The following PTER variants were observed in gnomAD, a reference collection of about 807,000 sequenced individuals.
PTER encodes the protein phosphotriesterase related.
In PTER, 38 loss-of-function variants were observed where a neutral mutation model predicts 29.6. That is an observed-to-expected ratio of 1.28 (90% CI 0.99 to 1.68). The LOEUF is 1.68. Ranked by LOEUF, PTER falls within the 40% of genes most tolerant of loss-of-function variation. The pLI is 0.00. For missense variants in PTER, 482 were observed against 427.8 expected, an observed-to-expected ratio of 1.13 and a Z score of -1.12; for synonymous variants, 172 against 154.5, an observed-to-expected ratio of 1.11 and a Z score of -0.84.
At chr10:16,441,953 A>G (rs1208629771) in intron 1 of PTER, among the ~76,000 whole-genome samples, 1 of 151,890 alleles carries the variant, frequency 6.6e-6, no homozygotes, top group Non-Finnish European at 1.5e-5. Context: ...TATGGTAAAC[A>G]CTGAGTTCTT....
chr10:16,437,187 C>T (rs17138611), intron 1 of PTER, 140 bp downstream of exon 1: 7,112 of 152,350 alleles, frequency 0.047, 257 homozygotes, highest in East Asian at 0.17. Context: ...GATTTTCTAG[C>T]CGCTGCGCTT....
intron 3 of PTER, among the ~76,000 whole-genome samples, chr10:16,492,246 G>T (rs116160616): frequency 0.016 from 2,468 of 152,202 alleles, 63 homozygotes; most frequent in African/African-American, 0.056. Context: ...CATTGCAGGG[G>T]GCTGCCCTTG....
At chr10:16,437,913 T>C (rs764788047) in intron 1 of PTER, among the ~76,000 whole-genome samples, 1 of 152,182 alleles carries the variant, frequency 6.6e-6, no homozygotes, top group Non-Finnish European at 1.5e-5. Flanking sequence ...ACATAGGCAG[T>C]AAGAGGGGTT....
intron 1 of PTER, among the ~76,000 whole-genome samples, chr10:16,446,065 G>C (rs892420731): frequency 3.3e-5 from 5 of 152,084 alleles, no homozygotes; most frequent in Non-Finnish European, 7.4e-5. Context: ...CAGATATTTC[G>C]GAGCAGCTCA....
intron 3 of PTER, among the ~76,000 whole-genome samples, chr10:16,503,528 C>A (rs1266628998): frequency 6.6e-6 from 1 of 152,144 alleles, no homozygotes. Flanking sequence ...CCTCAGCCTC[C>A]CAAGTAGCTG....
chr10:16,453,770 C>A (rs1034861670), intron 1 of PTER, among the ~76,000 whole-genome samples: 1 of 152,150 alleles, frequency 6.6e-6, no homozygotes, highest in African/African-American at 2.4e-5. Flanking sequence ...GTCTGATTTT[C>A]TACTATACAT....
downstream of PTER, chr10:16,514,779 G>A (rs1258974356): frequency 5.3e-6 from 6 of 1,134,262 alleles, no homozygotes; most frequent in East Asian, 1.5e-4. Context: ...CATTCATGTA[G>A]CATCACAAGC....
chr10:16,456,333 A>T (rs768875379), intron 1 of PTER, among the ~76,000 whole-genome samples: 1 of 152,216 alleles, frequency 6.6e-6, no homozygotes, highest in Non-Finnish European at 1.5e-5. Flanking sequence ...TTTAAGAGTT[A>T]TGATAATCCT....
intron 1 of PTER, among the ~76,000 whole-genome samples, chr10:16,474,672 G>T (rs1202825269): frequency 6.6e-6 from 1 of 152,090 alleles, no homozygotes; most frequent in Non-Finnish European, 1.5e-5. Flanking sequence ...TGGATCATGA[G>T]GTCAGGAGTT....
At chr10:16,509,232 G>C (rs1272456557) in intron 4 of PTER, among the ~76,000 whole-genome samples, 1 of 152,092 alleles carries the variant, frequency 6.6e-6, no homozygotes, top group African/African-American at 2.4e-5. Flanking sequence ...AGCAGGACGG[G>C]GCAGGTTTTC....
intron 1 of PTER, among the ~76,000 whole-genome samples, chr10:16,476,549 A>C (rs895277765): frequency 6.6e-6 from 1 of 151,904 alleles, no homozygotes; most frequent in African/African-American, 2.4e-5. Context: ...TGGAGCCAAG[A>C]CTCCAAGTTT....
At chr10:16,482,515 A>G (rs1205984291) in intron 1 of PTER, among the ~76,000 whole-genome samples, 2 of 152,230 alleles carry the variant, frequency 1.3e-5, no homozygotes, top group Admixed American at 1.3e-4. Context: ...TTTTTACGAC[A>G]GTCTATGAAA....
intron 1 of PTER, among the ~76,000 whole-genome samples, chr10:16,445,917 G>A (rs1833997327): frequency 6.6e-6 from 1 of 152,134 alleles, no homozygotes. Context: ...TCCTGGGCCT[G>A]TGAGTCTCGC....
chr10:16,477,395 T>C (rs1835318513), intron 1 of PTER, among the ~76,000 whole-genome samples: 1 of 152,138 alleles, frequency 6.6e-6, no homozygotes, highest in African/African-American at 2.4e-5. Flanking sequence ...CAGGCTAGTA[T>C]TGAACTCCTG....
At chr10:16,438,567 C>A (rs11253990) in intron 1 of PTER, among the ~76,000 whole-genome samples, 1 of 150,198 alleles carries the variant, frequency 6.7e-6, no homozygotes, top group South Asian at 2.1e-4. Flanking sequence ...CCTCGGCCTC[C>A]CAAAGTGCTA....
chr10:16,448,966 C>T (rs1313022395), intron 1 of PTER, among the ~76,000 whole-genome samples: 2 of 152,186 alleles, frequency 1.3e-5, no homozygotes, highest in African/African-American at 4.8e-5. Context: ...ACAGCAGCTG[C>T]AATTGGAGTC....
In PTER at chr10:16,486,435, C is replaced by G; in HGVS notation, c.516C>G (p.Cys172Trp). Residue 172 changes from cysteine to tryptophan, a missense_variant, in exon 3 of 5, where the codon TGC (cysteine) becomes TGG (tryptophan). Physicochemically the swap from Cys to Trp is radical, Grantham distance 215 (BLOSUM62 -2). Transcript: ENST00000535784. Reference sequence around the variant, plus strand: ...GTGGCATTATTGGAGAAATTGGTTGCTCCTGGCCTTTGACTGAGAGTGAAA... The same window carrying G: ...GTGGCATTATTGGAGAAATTGGTTGGTCCTGGCCTTTGACTGAGAGTGAAA... Reference protein sequence around the residue: ...IKCGIIGEIGCSWPLTESERK... With the variant: ...IKCGIIGEIGWSWPLTESERK... 1 of 1,614,052 alleles carries G rather than the reference C, an allele frequency of 6.2e-7. No homozygotes were observed. Among genetic ancestry groups the G allele is most frequent in the Non-Finnish European group, 8.5e-7 (1 of 1,179,970 alleles).
At chr10:16,490,055 G>T (rs776605746) in intron 3 of PTER, among the ~76,000 whole-genome samples, 38 of 152,274 alleles carry the variant, frequency 2.5e-4, no homozygotes, top group Admixed American at 5.9e-4. Context: ...ATTGTAAGCT[G>T]AAAGTGCATT....
At chr10:16,497,703 A>G (rs907037440) in intron 3 of PTER, among the ~76,000 whole-genome samples, 8 of 152,226 alleles carry the variant, frequency 5.3e-5, no homozygotes, top group African/African-American at 1.9e-4. Context: ...GGGAGCCCAC[A>G]GACCCTTGTC....
Sources: allele counts gnomAD v4.1 joint callset (sites outside exome capture counted in the v4.1 genomes callset), GRCh38; gene constraint gnomAD v4.1.1; transcripts MANE v1.5; gene names NCBI Gene and HGNC (gene_info 2026-07-23, HGNC 2026-07-21).